The following SHC4 variants were observed in gnomAD, a reference collection of about 807,000 sequenced individuals.
SHC4 encodes SHC-transforming protein 4.
A neutral mutation model predicts 69.4 loss-of-function variants in SHC4; 41 were observed. The observed-to-expected ratio is 0.59, with a 90% confidence interval of 0.46 to 0.77. SHC4 has a LOEUF of 0.77. SHC4 is among the 30% of genes least tolerant of loss of function. SHC4 has a pLI of 0.00. For synonymous variants in SHC4, 318 were observed against 299.3 expected, an observed-to-expected ratio of 1.06 and a Z score of -0.64; for missense variants, 777 against 783.8, an observed-to-expected ratio of 0.99 and a Z score of 0.10.
intron 1 of SHC4, among the ~76,000 whole-genome samples, chr15:48,926,253 G>T (rs1344218781): frequency 6.6e-6 from 1 of 152,238 alleles, no homozygotes; most frequent in East Asian, 1.9e-4. Flanking sequence ...GTGCTTCTTT[G>T]AGAATTGCCT....
At position 48,890,907 on chromosome 15, in the gene SHC4, C is replaced by A. The variant is rs184935773; in HGVS notation, c.657-96G>T. On this transcript the variant is annotated intron_variant, in intron 2 of 11. Coordinates refer to ENST00000332408, the MANE Select transcript of SHC4 (RefSeq NM_203349.4). ...TAGAAATTATCACGACCAAAAAGTA[C>A]ACATACATAATAGTGAGTCTAACAC... The A allele has an allele frequency of 7.4e-3, 9,479 of 1,279,920 alleles. 71 individuals are homozygous for A. The highest frequency in any genetic ancestry group is 8.2e-3 in the Non-Finnish European group (7,292 of 884,684). 79.3% of individuals were successfully genotyped at this position (1,279,920 alleles called of 1,614,324 possible). A position where few individuals can be genotyped will look rare whatever the true frequency, so the allele number is the denominator to read the frequency against.
intron 6 of SHC4, among the ~76,000 whole-genome samples, chr15:48,860,375 C>T (rs1899418696): frequency 1.3e-5 from 2 of 151,936 alleles, no homozygotes; most frequent in African/African-American, 4.8e-5. Flanking sequence ...GGCATGGTGG[C>T]AGGTGCCTGT....
At chr15:48,954,172 G>C (rs971867769) in intron 1 of SHC4, among the ~76,000 whole-genome samples, 4 of 152,162 alleles carry the variant, frequency 2.6e-5, no homozygotes, top group Non-Finnish European at 5.9e-5. Context: ...CTTGCAGGCT[G>C]TTTAGCTGCA....
chr15:48,894,573 C>A (rs144112921), intron 2 of SHC4, among the ~76,000 whole-genome samples: 17 of 152,228 alleles, frequency 1.1e-4, no homozygotes, highest in African/African-American at 3.6e-4. Flanking sequence ...CCCATTCCAG[C>A]TTAGCTTTTA....
intron 2 of SHC4, among the ~76,000 whole-genome samples, chr15:48,913,362 G>A (rs1595755056): frequency 6.6e-6 from 1 of 151,992 alleles, no homozygotes; most frequent in Non-Finnish European, 1.5e-5. Context: ...CATGTTGGTT[G>A]TCAGGGAAGT....
At chr15:48,939,754 A>C (rs1901140681) in intron 1 of SHC4, among the ~76,000 whole-genome samples, 1 of 152,204 alleles carries the variant, frequency 6.6e-6, no homozygotes. Context: ...AGACCCAAAT[A>C]AATAAAAGCT....
chr15:48,892,326 C>T (rs1186761748), intron 2 of SHC4, among the ~76,000 whole-genome samples: 1 of 152,132 alleles, frequency 6.6e-6, no homozygotes, highest in African/African-American at 2.4e-5. Flanking sequence ...TGAAACTCTT[C>T]TTCAAGGTAT....
intron 2 of SHC4, among the ~76,000 whole-genome samples, chr15:48,907,570 T>TC (rs948516061): frequency 6.6e-6 from 1 of 151,542 alleles, no homozygotes. Context: ...CTCCCTCCCT[T>TC]CCCCCCGATT....
chr15:48,880,076 A>G (rs959868057), intron 4 of SHC4: 1 of 167,138 alleles, frequency 6.0e-6, no homozygotes. Context: ...GGCTAGGTTC[A>G]GCAAAATAAG....
At chr15:48,956,240 A>G (rs1054353545) in intron 1 of SHC4, among the ~76,000 whole-genome samples, 3 of 152,292 alleles carry the variant, frequency 2.0e-5, no homozygotes, top group African/African-American at 7.2e-5. Context: ...ATAACTTAGA[A>G]AAGAAGGAAA....
intron 11 of SHC4, among the ~76,000 whole-genome samples, chr15:48,830,451 T>G (rs542640076): frequency 1.6e-4 from 24 of 152,338 alleles, no homozygotes; most frequent in African/African-American, 5.3e-4. Context: ...AGACTGCATA[T>G]ACAATGGTGA....
At chr15:48,949,668 C>CTTTG in intron 1 of SHC4, among the ~76,000 whole-genome samples, 1 of 151,806 alleles carries the variant, frequency 6.6e-6, no homozygotes, top group African/African-American at 2.4e-5. Flanking sequence ...CCATTCTTTT[C>CTTTG]CAGCAGCTTT....
At chr15:48,857,490 G>GATAT in intron 7 of SHC4, among the ~76,000 whole-genome samples, 1 of 152,096 alleles carries the variant, frequency 6.6e-6, no homozygotes, top group East Asian at 1.9e-4. Context: ...AAAGCAAGAG[G>GATAT]ATATAACTGG....
At chr15:48,930,591 C>T (rs761062773) in intron 1 of SHC4, among the ~76,000 whole-genome samples, 2 of 152,170 alleles carry the variant, frequency 1.3e-5, no homozygotes, top group Admixed American at 6.5e-5. Flanking sequence ...CAGCTACAAT[C>T]GTGCCATTGC....
intron 2 of SHC4, among the ~76,000 whole-genome samples, chr15:48,914,425 C>T (rs746667813): frequency 1.3e-5 from 2 of 152,162 alleles, no homozygotes; most frequent in Non-Finnish European, 2.9e-5. Context: ...GGTGATTTTG[C>T]GGTTGCAGAA....
At chr15:48,880,985 AGTGTGTGTGTGTGTGTGTGT>A (rs10523567) in intron 4 of SHC4, among the ~76,000 whole-genome samples, 1 of 145,970 alleles carries the variant, frequency 6.9e-6, no homozygotes, top group South Asian at 2.2e-4. Flanking sequence ...TGTGTGTGAG[AGTGTGTGTGTGTGTGTGTGT>A]GTGTGTGTGT....
At chr15:48,870,592 A>C (rs151194901) in intron 5 of SHC4, among the ~76,000 whole-genome samples, 116 of 152,286 alleles carry the variant, frequency 7.6e-4, no homozygotes, top group Middle Eastern at 3.4e-3. Context: ...GAAATCCTGT[A>C]AAGGCTGCTT....
intron 2 of SHC4, among the ~76,000 whole-genome samples, chr15:48,915,061 G>T (rs1290708056): frequency 2.0e-5 from 3 of 152,154 alleles, no homozygotes; most frequent in Admixed American, 2.0e-4. Flanking sequence ...TTTCAATAGG[G>T]TTCTTTATTT....
chr15:48,900,842 G>A (rs1034141110), intron 2 of SHC4, among the ~76,000 whole-genome samples: 2 of 152,170 alleles, frequency 1.3e-5, no homozygotes, highest in African/African-American at 4.8e-5. Context: ...GGGGTCAGAA[G>A]TTTTAAGATC....
Sources: allele counts gnomAD v4.1 joint callset (sites outside exome capture counted in the v4.1 genomes callset), GRCh38; gene constraint gnomAD v4.1.1; transcripts MANE v1.5; gene names NCBI Gene and HGNC (gene_info 2026-07-23, HGNC 2026-07-21).